The following PYCR3 variants were observed in gnomAD, a reference collection of about 807,000 sequenced individuals.
PYCR3 encodes pyrroline-5-carboxylate reductase 3, also known as P5C reductase 3.
A neutral mutation model predicts 23.4 loss-of-function variants in PYCR3; 26 were observed. That is an observed-to-expected ratio of 1.11 (90% CI 0.81 to 1.54). The LOEUF (loss-of-function observed/expected upper bound fraction) is 1.54, where lower values mean the gene tolerates loss of function less well. Among genes scored for constraint, PYCR3 ranks in the 40% most tolerant of loss-of-function variants. The probability of loss-of-function intolerance (pLI) is 0.00; values close to 1 mark genes in which losing one functional copy is unlikely to be tolerated. For missense variants in PYCR3, 360 were observed against 376.3 expected (o/e 0.96, Z 0.36); for synonymous variants, 194 against 162.6 (o/e 1.19, Z -1.47).
intron 2 of PYCR3, among the ~76,000 whole-genome samples, chr8:143,607,661 T>C (rs532156136): frequency 6.6e-6 from 1 of 151,762 alleles, no homozygotes; most frequent in Non-Finnish European, 1.5e-5. Flanking sequence ...CATGCACTCA[T>C]GAGCATGCAC....
chr8:143,608,440 C>T (rs1013952592), intron 1 of PYCR3: 10 of 433,092 alleles, frequency 2.3e-5, no homozygotes, highest in South Asian at 2.2e-4. Context: ...GCAGAAGAGG[C>T]AGTACCTCTG....
At chr8:143,608,528 G>C (rs1829461462) in intron 1 of PYCR3, 1 of 317,150 alleles carries the variant, frequency 3.2e-6, no homozygotes. Context: ...TCGGGGCCCA[G>C]GTTCTTCGAG....
At chr8:143,609,183 C>G (rs1829478103) in intron 1 of PYCR3, among the ~76,000 whole-genome samples, 2 of 152,346 alleles carry the variant, frequency 1.3e-5, no homozygotes, top group Admixed American at 1.3e-4. Flanking sequence ...GGGGCTGGCG[C>G]GCAAAGAGAA....
chr8:143,608,820 G>A (rs1340299446), intron 1 of PYCR3: 1 of 456,488 alleles, frequency 2.2e-6, no homozygotes, highest in Non-Finnish European at 4.4e-6. Flanking sequence ...AGACTCCTGA[G>A]ACTCATAGTA....
At position 143,604,105 on chromosome 8, in the gene PYCR3, G is replaced by C. The variant is rs532382224; in HGVS notation, c.*1595C>G. On this transcript the variant is annotated 3_prime_UTR_variant, in exon 6 of 6. Coordinates refer to ENST00000495276, the MANE Select transcript of PYCR3 (RefSeq NM_023078.6). ...GATGGGGTTTCTCCATGTTGGTCAG[G>C]TTGGTCTCAAACTCCTGACTTTGTG... 1 of 152,230 alleles carries C rather than the reference G, an allele frequency of 6.6e-6. No homozygotes were observed. The highest frequency in any genetic ancestry group is 2.1e-4 in the South Asian group (1 of 4,822). 9.4% of individuals were successfully genotyped at this position (152,230 alleles called of 1,614,324 possible).
chr8:143,607,247 T>C (rs1829428272), intron 2 of PYCR3, 115 bp from the exon 3 acceptor site: 3 of 1,054,704 alleles, frequency 2.8e-6, no homozygotes, highest in South Asian at 3.4e-5. Context: ...GCCTCTCCCA[T>C]TGCAAGTGTC....
At position 143,609,427 on chromosome 8, in the gene PYCR3, A is replaced by G. The variant is rs945686963; in HGVS notation, c.91+31T>C. ...CCTCCCACGGGGCTGCTCCCACTCC[A>G]GACCGCAGGCCTAGCCCCGCGCCGC... On this transcript the variant is annotated intron_variant, in intron 1 of 5. Transcript: ENST00000495276. 56 of 1,480,272 alleles carry G rather than the reference A, an allele frequency of 3.8e-5. No individual in the cohort carries two copies. The Middle Eastern group carries it at 6.9e-4, about 18-fold the overall frequency. The allele number at this position is 1,480,272 out of a possible 1,614,324, so 91.7% of individuals were successfully genotyped here.
At position 143,604,505 on chromosome 8, in the gene PYCR3, T is replaced by A. The variant is rs1829335718; in HGVS notation, c.*1195A>T. 3.6e-6 allele frequency: 1 copy of A among 280,752 alleles called. No homozygotes were observed. The highest frequency in any genetic ancestry group is 7.0e-6 in the Non-Finnish European group (1 of 143,610). The allele number at this position is 280,752 out of a possible 1,614,324, so 17.4% of individuals were successfully genotyped here. A position where few individuals can be genotyped will look rare whatever the true frequency, so the allele number is the denominator to read the frequency against. ...GTTTTGCACTGGTGGATTGATCTGC[T>A]CAGGCGCACAGGGAGATGGCACAGC... On this transcript the variant is annotated 3_prime_UTR_variant, in exon 6 of 6. Coordinates refer to ENST00000495276, the MANE Select transcript of PYCR3 (RefSeq NM_023078.6).
rs1393540561 is a variant in PYCR3 at position 143,607,501 on chromosome 8, C to T, written c.157-369G>A. On this transcript the variant is annotated intron_variant, in intron 2 of 5. Coordinates refer to ENST00000495276, the MANE Select transcript of PYCR3 (RefSeq NM_023078.6). ...ATACACATGTACACATGAATGCACTCATGAGCACAAACACATGCACACACA... is the reference window on the plus strand; with the variant it reads ...ATACACATGTACACATGAATGCACTTATGAGCACAAACACATGCACACACA... Among the ~76,000 whole-genome samples the T allele has an allele frequency of 3.3e-5, 5 of 152,080 alleles. No individual in the cohort carries two copies. In the East Asian group the frequency reaches 5.8e-4, roughly 18 times the overall value.
rs757626671 is a variant in PYCR3 at position 143,603,577 on chromosome 8, G to A, written c.*2123C>T. The stretch of plus-strand genomic sequence containing the variant: ...GTCCCAGGGGGAGACAGGTGTTGGT[G>A]CAAAGTCAATGATTTCTCCTTGCAG... On this transcript the variant is annotated 3_prime_UTR_variant, in exon 6 of 6. Coordinates refer to ENST00000495276, the MANE Select transcript of PYCR3 (RefSeq NM_023078.6). 3.9e-4 allele frequency among the ~76,000 whole-genome samples: 59 copies of A among 152,218 alleles called. No homozygotes were observed. The highest frequency in any genetic ancestry group is 6.3e-4 in the Non-Finnish European group (43 of 68,036).
In PYCR3 at chr8:143,605,025, C is replaced by T. The variant is rs935316403; in HGVS notation, c.*675G>A. 1.1e-5 allele frequency: 5 copies of T among 448,894 alleles called. No homozygotes were observed. Among genetic ancestry groups the T allele is most frequent in the African/African-American group, 2.0e-5 (1 of 49,726 alleles). 27.8% of individuals were successfully genotyped at this position (448,894 alleles called of 1,614,324 possible). On this transcript the variant is annotated 3_prime_UTR_variant, in exon 6 of 6. Coordinates refer to ENST00000495276, the MANE Select transcript of PYCR3 (RefSeq NM_023078.6). ...AGACCTCAAGCCACCCCACCTACCA[C>T]TGCCCACCTGGTGCCACCCCAGCAC...
In PYCR3 at chr8:143,607,130, A is replaced by G. The variant is rs1243100829; in HGVS notation, c.159T>C (p.Ala53=). 2 of 1,568,818 alleles carry G rather than the reference A, an allele frequency of 1.3e-6. No individual in the cohort carries two copies. The highest frequency in any genetic ancestry group is 1.7e-6 in the Non-Finnish European group (2 of 1,156,340). The change falls in exon 3 of 6, where the codon GCT becomes GCC. Residue 53 remains alanine, a splice_region_variant and synonymous_variant. Coordinates refer to ENST00000495276, the MANE Select transcript of PYCR3 (RefSeq NM_023078.6). ...PTDRNLCHFQ[A]LGCRTTHSNQ... ...TGGAGTGCGTGGTCCGGCAACCCAG[A>G]GCCTGCGCCAGGGACACCAGGACCA...
rs1330466206 is a variant in PYCR3 at position 143,604,989 on chromosome 8, G to T, written c.*711C>A. On this transcript the variant is annotated 3_prime_UTR_variant, in exon 6 of 6. Coordinates refer to ENST00000495276, the MANE Select transcript of PYCR3 (RefSeq NM_023078.6). ...TCTGCATGTGTCCTGGCTGGCCAGG[G>T]CCACCCTCCCAGACCTCAAGCCACC... The T allele has an allele frequency of 4.2e-6, 2 of 481,462 alleles. No homozygotes were observed. The highest frequency in any genetic ancestry group is 4.1e-6 in the Non-Finnish European group (1 of 241,722). 29.8% of individuals were successfully genotyped at this position (481,462 alleles called of 1,614,324 possible).
intron 5 of PYCR3, 87 bp from the exon 6 acceptor site, chr8:143,605,969 G>A: frequency 1.9e-6 from 3 of 1,561,448 alleles, no homozygotes; most frequent in Non-Finnish European, 1.7e-6. Context: ...CCCAACCTTG[G>A]CCCCAGCTTC....
At chr8:143,605,964 C>A in intron 5 of PYCR3, 82 bp from the exon 6 acceptor site, 1 of 1,564,840 alleles carries the variant, frequency 6.4e-7, no homozygotes, top group Non-Finnish European at 8.7e-7. Context: ...CATCCCCCAA[C>A]CTTGGCCCCA....
At chr8:143,608,445 C>A in intron 1 of PYCR3, 1 of 422,590 alleles carries the variant, frequency 2.4e-6, no homozygotes, top group African/African-American at 2.0e-5. Context: ...AGAGGCAGTA[C>A]CTCTGGAGGA....
At position 143,604,444 on chromosome 8, in the gene PYCR3, G is replaced by A. The variant is rs1302984857; in HGVS notation, c.*1256C>T. ...GCAGAGGCAGCTGAGCATGAGGGAT[G>A]GAGCGTGCTGCTGTCCTGCAGGTGC... On this transcript the variant is annotated 3_prime_UTR_variant, in exon 6 of 6. Coordinates refer to ENST00000495276, the MANE Select transcript of PYCR3 (RefSeq NM_023078.6). 1 of 185,216 alleles carries A rather than the reference G, an allele frequency of 5.4e-6. No homozygotes were observed. Among genetic ancestry groups the A allele is most frequent in the East Asian group, 1.8e-4 (1 of 5,474 alleles). The allele number at this position is 185,216 out of a possible 1,614,324, so 11.5% of individuals were successfully genotyped here.
rs1184061376 is a variant in PYCR3, at chr8:143,606,098, G to C, written c.606C>G (p.Ser202Arg). 1.2e-6 allele frequency: 2 copies of C among 1,610,882 alleles called. No homozygotes were observed. Among genetic ancestry groups the C allele is most frequent in the African/African-American group, 2.7e-5 (2 of 74,928 alleles). The part of the protein sequence containing the change: ...AEGAVKMGMP[S>R]SLAHRIAAQT... ...GGGCAGCGATGCGGTGGGCCAGGCT[G>C]CTGGGCATGCCCATCTTGACGGCTC... Residue 202 changes from serine (S) to arginine (R), a missense_variant, in exon 5 of 6, where the codon AGC becomes AGG. Physicochemically the swap from Ser to Arg is moderately radical, Grantham distance 110. Coordinates refer to ENST00000495276, the MANE Select transcript of PYCR3 (RefSeq NM_023078.6).
rs1339223275 is a variant in PYCR3 at position 143,606,153 on chromosome 8, A to C, written c.551T>G (p.Val184Gly). ...AGCCAGGGCCTCGGAGAATGCACAC[A>C]CCTGTAGCCGCGGCATGGTGGTTGG... ...TGLSGSGVAF[V>G]CAFSEALAEG... Residue 184 changes from valine to glycine, a missense_variant and splice_region_variant, in exon 5 of 6, where the codon GTG becomes GGG. By Grantham distance (109) the Val-to-Gly change is moderately radical. Coordinates refer to ENST00000495276, the MANE Select transcript of PYCR3 (RefSeq NM_023078.6). The C allele has an allele frequency of 3.1e-6, 5 of 1,605,956 alleles. No homozygotes were observed. Among genetic ancestry groups the C allele is most frequent in the Non-Finnish European group, 4.2e-6 (5 of 1,177,022 alleles).
Sources: gnomAD v4.1 joint callset for allele counts (sites outside exome capture counted in the v4.1 genomes callset) on GRCh38, gnomAD v4.1.1 for gene constraint, MANE v1.5 for transcripts, NCBI Gene and HGNC (gene_info 2026-07-23, HGNC 2026-07-21) for gene names.